Variants in MBNL2 observed in about 807,000 individuals in gnomAD.
MBNL2 encodes muscleblind like splicing regulator 2.
In MBNL2, 17 loss-of-function variants were observed where a neutral mutation model predicts 41.9. That is an observed-to-expected ratio of 0.41 (90% CI 0.28 to 0.61). The LOEUF (loss-of-function observed/expected upper bound fraction) is 0.61, where lower values mean the gene tolerates loss of function less well. Among genes scored for constraint, MBNL2 ranks in the 20% least tolerant of loss-of-function variants. The pLI is 0.35. For missense variants in MBNL2, 336 were observed against 505.6 expected (o/e 0.66, Z 3.22); for synonymous variants, 195 against 182.9 (o/e 1.07, Z -0.53).
chr13:97,229,009 A>G (rs1302705228), intron 1 of MBNL2, among the ~76,000 whole-genome samples: 1 of 151,652 alleles, frequency 6.6e-6, no homozygotes, highest in Non-Finnish European at 1.5e-5. Flanking sequence ...ATTAAACTTC[A>G]GTCTGACTTG....
At chr13:97,345,277 C>G (rs2061744481) in intron 4 of MBNL2, among the ~76,000 whole-genome samples, 1 of 151,984 alleles carries the variant, frequency 6.6e-6, no homozygotes, top group Admixed American at 6.6e-5. Flanking sequence ...GGAATTGGAG[C>G]CTAAAAATAA....
intron 3 of MBNL2, among the ~76,000 whole-genome samples, chr13:97,341,445 T>G (rs1387760192): frequency 2.0e-5 from 3 of 152,274 alleles, no homozygotes; most frequent in Non-Finnish European, 4.4e-5. Context: ...CTACAGTTAC[T>G]GAAAATCATA....
At chr13:97,287,726 T>TC (rs1278271397) in intron 2 of MBNL2, among the ~76,000 whole-genome samples, 1,872 of 110,850 alleles carry the variant, frequency 0.017, 24 homozygotes, top group South Asian at 0.027. Context: ...CTTTTCTTTT[T>TC]TTTTTTTTTT....
intron 2 of MBNL2, among the ~76,000 whole-genome samples, chr13:97,331,346 C>G (rs763803137): frequency 6.6e-6 from 1 of 152,120 alleles, no homozygotes; most frequent in South Asian, 2.1e-4. Flanking sequence ...AAGAAAAGGT[C>G]GAGCCAAGTT....
chr13:97,263,124 T>G (rs771338743), intron 1 of MBNL2, among the ~76,000 whole-genome samples: 37 of 152,084 alleles, frequency 2.4e-4, no homozygotes, highest in African/African-American at 7.7e-4. Context: ...CCTACACGCC[T>G]CATTCCCAAT....
chr13:97,178,789 G>A, the MBNL2 span, among the ~76,000 whole-genome samples: 10 of 152,108 alleles, frequency 6.6e-5, no homozygotes, highest in African/African-American at 2.2e-4. Context: ...CCCAGCGACT[G>A]GGGAGGCTGA....
intron 8 of MBNL2, among the ~76,000 whole-genome samples, chr13:97,379,401 C>G (rs1014645020): frequency 6.6e-6 from 1 of 152,106 alleles, no homozygotes; most frequent in African/African-American, 2.4e-5. Flanking sequence ...TAATTTTTAA[C>G]AATAATAATT....
chr13:97,193,302 TG>T, the MBNL2 span, among the ~76,000 whole-genome samples: 10 of 152,354 alleles, frequency 6.6e-5, no homozygotes, highest in Non-Finnish European at 1.3e-4. Flanking sequence ...AGTTGGATTT[TG>T]GTTCTGCCAA....
At chr13:97,311,801 C>A (rs1256937316) in intron 2 of MBNL2, among the ~76,000 whole-genome samples, 4 of 152,158 alleles carry the variant, frequency 2.6e-5, no homozygotes, top group Non-Finnish European at 5.9e-5. Context: ...TAACGTCCAA[C>A]AGTCCTCTCT....
chr13:97,383,122 G>C (rs2065626629), intron 8 of MBNL2, among the ~76,000 whole-genome samples: 1 of 152,156 alleles, frequency 6.6e-6, no homozygotes, highest in African/African-American at 2.4e-5. Flanking sequence ...TGACATATGG[G>C]TTGTTAGATG....
rs145000888 is a variant in MBNL2 at position 97,323,421 on chromosome 13, C to T, written c.175-10855C>T. ...GATTGAAAATACTAGTTAAAAATTG[C>T]GTCTGTACTGAACATGGTCAGACTT... On this transcript the variant is annotated intron_variant, in intron 2 of 8. Coordinates refer to ENST00000679496, the MANE Select transcript of MBNL2 (RefSeq NM_001382683.1). 3.8e-3 allele frequency among the ~76,000 whole-genome samples: 585 copies of T among 152,252 alleles called. 3 individuals are homozygous for T. Among genetic ancestry groups the T allele is most frequent in the African/African-American group, 0.013 (554 of 41,546 alleles).
At chr13:97,306,579 G>A (rs1266561933) in intron 2 of MBNL2, among the ~76,000 whole-genome samples, 1 of 152,296 alleles carries the variant, frequency 6.6e-6, no homozygotes, top group East Asian at 1.9e-4. Flanking sequence ...GGAGAGGCTG[G>A]GACTGGACCA....
chr13:97,243,882 T>C (rs1307032563), intron 1 of MBNL2, among the ~76,000 whole-genome samples: 1 of 152,166 alleles, frequency 6.6e-6, no homozygotes, highest in Non-Finnish European at 1.5e-5. Flanking sequence ...TATTTTGTTA[T>C]CATTCATCAG....
intron 4 of MBNL2, among the ~76,000 whole-genome samples, chr13:97,343,742 T>G (rs1368464691): frequency 6.6e-6 from 1 of 152,218 alleles, no homozygotes; most frequent in Non-Finnish European, 1.5e-5. Flanking sequence ...TTCTGGCATA[T>G]TAGTTCTGAT....
At chr13:97,362,538 G>A (rs1012899523) in intron 7 of MBNL2, among the ~76,000 whole-genome samples, 2 of 152,146 alleles carry the variant, frequency 1.3e-5, no homozygotes, top group Non-Finnish European at 2.9e-5. Context: ...AATGTGTTCA[G>A]TTCAAAGAAA....
chr13:97,376,601 G>A (rs1196235506), intron 8 of MBNL2, among the ~76,000 whole-genome samples: 1 of 152,116 alleles, frequency 6.6e-6, no homozygotes, highest in Non-Finnish European at 1.5e-5. Flanking sequence ...CAGAGCACAT[G>A]TCAATGAACT....
chr13:97,227,053 CAAAAAAAAAATCAA>C (rs2041731991), intron 1 of MBNL2, among the ~76,000 whole-genome samples: 2 of 88,314 alleles, frequency 2.3e-5, no homozygotes, highest in Non-Finnish European at 4.7e-5. Context: ...AAAAAAAAAA[CAAAAAAAAAATCAA>C]AAAAAAAAAA....
chr13:97,216,620 G>C (rs2040399084), upstream of MBNL2, among the ~76,000 whole-genome samples: 1 of 152,048 alleles, frequency 6.6e-6, no homozygotes, highest in African/African-American at 2.4e-5. Flanking sequence ...ACTACCATCT[G>C]TCCTAAGACA....
intron 7 of MBNL2, 61 bp downstream of exon 7, chr13:97,357,696 C>G: frequency 6.5e-7 from 1 of 1,531,558 alleles, no homozygotes; most frequent in Non-Finnish European, 9.0e-7. Context: ...CTTCTCATTT[C>G]TCTAAGCTGT....
Sources: gnomAD v4.1 joint callset for allele counts (sites outside exome capture counted in the v4.1 genomes callset) on GRCh38, gnomAD v4.1.1 for gene constraint, MANE v1.5 for transcripts, NCBI Gene and HGNC (gene_info 2026-07-23, HGNC 2026-07-21) for gene names.